The following PTPRD variants were observed in gnomAD, a reference collection of about 807,000 sequenced individuals.
The protein encoded by PTPRD is receptor-type tyrosine-protein phosphatase delta.
A neutral mutation model predicts 214.5 loss-of-function variants in PTPRD; 34 were observed. The observed-to-expected ratio is 0.16, with a 90% CI of 0.12 to 0.21. The LOEUF is 0.21. PTPRD is among the 10% of genes least tolerant of loss of function. The pLI, the probability that PTPRD is intolerant of heterozygous loss-of-function variation, is 1.00. For synonymous variants in PTPRD, 1,128 were observed against 845.7 expected (o/e 1.33, Z -5.79); for missense variants, 2,545 against 2,398.7 (o/e 1.06, Z -1.27).
intron 2 of PTPRD, among the ~76,000 whole-genome samples, chr9:10,407,802 G>A (rs2098388186): frequency 6.6e-6 from 1 of 151,520 alleles, no homozygotes; most frequent in South Asian, 2.1e-4. Context: ...TAACCTGCTA[G>A]AAGGAAATTG....
chr9:9,974,038 G>C (rs373798299), intron 4 of PTPRD, among the ~76,000 whole-genome samples: 1 of 152,146 alleles, frequency 6.6e-6, no homozygotes. Flanking sequence ...TGACTCCTGA[G>C]ACAATTTGCT....
At chr9:10,216,710 G>C (rs2099542899) in intron 3 of PTPRD, among the ~76,000 whole-genome samples, 1 of 151,978 alleles carries the variant, frequency 6.6e-6, no homozygotes, top group Non-Finnish European at 1.5e-5. Flanking sequence ...TGAATTTTTT[G>C]ATAGTGTTGG....
chr9:8,737,568 C>G (rs1158878927), intron 11 of PTPRD, among the ~76,000 whole-genome samples: 1 of 151,768 alleles, frequency 6.6e-6, no homozygotes, highest in Non-Finnish European at 1.5e-5. Context: ...AAAAGTACCA[C>G]GTTTTACCTT....
intron 12 of PTPRD, among the ~76,000 whole-genome samples, chr9:8,642,538 TC>T (rs1193524218): frequency 6.6e-6 from 1 of 152,122 alleles, no homozygotes. Flanking sequence ...TATGAGAAGA[TC>T]AGCTGAAGTC....
intron 14 of PTPRD, among the ~76,000 whole-genome samples, chr9:8,588,972 G>A (rs762001543): frequency 2.6e-5 from 4 of 151,934 alleles, no homozygotes; most frequent in Non-Finnish European, 4.4e-5. Context: ...GTTATTCTTA[G>A]TGGGTCACTA....
chr9:10,050,152 G>C (rs959848821), intron 3 of PTPRD, among the ~76,000 whole-genome samples: 3 of 152,090 alleles, frequency 2.0e-5, no homozygotes, highest in African/African-American at 7.2e-5. Context: ...GGCCTGAGCA[G>C]ATCCCCAAGA....
chr9:9,386,380 C>A (rs2063875591), intron 9 of PTPRD, among the ~76,000 whole-genome samples: 1 of 152,106 alleles, frequency 6.6e-6, no homozygotes, highest in African/African-American at 2.4e-5. Flanking sequence ...GTATGTCAAG[C>A]AACATATTTT....
chr9:10,124,054 G>T (rs900298828), intron 3 of PTPRD, among the ~76,000 whole-genome samples: 1 of 152,160 alleles, frequency 6.6e-6, no homozygotes, highest in East Asian at 1.9e-4. Flanking sequence ...GCTACTATAA[G>T]TTGAAATGCA....
intron 2 of PTPRD, among the ~76,000 whole-genome samples, chr9:10,547,674 G>A (rs1392467580): frequency 6.6e-6 from 1 of 151,416 alleles, no homozygotes; most frequent in African/African-American, 2.4e-5. Flanking sequence ...CATAACTGTA[G>A]ACATAACAAA....
intron 10 of PTPRD, among the ~76,000 whole-genome samples, chr9:9,144,827 T>G (rs781521309): frequency 6.6e-5 from 10 of 152,082 alleles, no homozygotes; most frequent in Non-Finnish European, 1.3e-4. Flanking sequence ...AAATCTTTAA[T>G]GGCAATTTGG....
chr9:8,449,821 C>T lies in PTPRD; in HGVS notation c.3892G>A (p.Asp1298Asn), dbSNP rs754699635. The T allele has an allele frequency of 2.8e-5, 45 of 1,613,698 alleles. No homozygotes were observed. Among genetic ancestry groups the T allele is most frequent in the Admixed American group, 1.2e-4 (7 of 59,964 alleles). Reference sequence around the variant, plus strand: ...TTCGGTATGCTGCTTTTTCTAGAGTCGGACTCTGCCCTCTTCCTATAGGGG... The same window carrying T: ...TTCGGTATGCTGCTTTTTCTAGAGTTGGACTCTGCCCTCTTCCTATAGGGG... ...LLYKRKRAES[D>N]SRKSSIPNNK... The change falls in exon 34 of 46, where the codon GAC (aspartate) becomes AAC (asparagine). Residue 1298 changes from aspartate to asparagine, a missense_variant. By Grantham distance (23) the Asp-to-Asn change is conservative (BLOSUM62 1). Transcript: ENST00000381196.
intron 9 of PTPRD, among the ~76,000 whole-genome samples, chr9:9,203,162 G>C (rs201383249): frequency 6.6e-6 from 1 of 151,884 alleles, no homozygotes; most frequent in Non-Finnish European, 1.5e-5. Flanking sequence ...CCTGGGAGGC[G>C]GAGGTTGCAG....
intron 7 of PTPRD, among the ~76,000 whole-genome samples, chr9:9,645,833 T>G (rs999243026): frequency 2.0e-5 from 3 of 152,218 alleles, no homozygotes; most frequent in Admixed American, 2.0e-4. Context: ...TATATTTTAA[T>G]GCTAAATACT....
At chr9:10,607,696 A>C (rs1448835306) in intron 2 of PTPRD, among the ~76,000 whole-genome samples, 1 of 151,948 alleles carries the variant, frequency 6.6e-6, no homozygotes, top group Non-Finnish European at 1.5e-5. Context: ...AGAAGAAAAA[A>C]AAAGTTTCCA....
intron 4 of PTPRD, among the ~76,000 whole-genome samples, chr9:9,944,704 T>C (rs2092291345): frequency 2.0e-5 from 3 of 152,078 alleles, no homozygotes; most frequent in Admixed American, 6.6e-5. Context: ...TCCAGCTTTT[T>C]TTTTTCCAGT....
chr9:10,034,781 G>C (rs2154135377), intron 3 of PTPRD, among the ~76,000 whole-genome samples: 1 of 152,220 alleles, frequency 6.6e-6, no homozygotes, highest in Admixed American at 6.5e-5. Context: ...TGGCTGCATA[G>C]TATTCCATGA....
chr9:9,528,057 G>A (rs1308604508), intron 8 of PTPRD, among the ~76,000 whole-genome samples: 1 of 152,216 alleles, frequency 6.6e-6, no homozygotes, highest in East Asian at 1.9e-4. Flanking sequence ...AGCAAAGGGA[G>A]ACAATCCAGC....
At chr9:8,667,940 C>T (rs543871655) in intron 12 of PTPRD, among the ~76,000 whole-genome samples, 2 of 151,508 alleles carry the variant, frequency 1.3e-5, no homozygotes, top group South Asian at 2.1e-4. Flanking sequence ...TGAGAAGTTG[C>T]CCAGTAAAAA....
intron 3 of PTPRD, among the ~76,000 whole-genome samples, chr9:10,043,989 A>T (rs929304314): frequency 2.0e-5 from 3 of 151,812 alleles, no homozygotes; most frequent in African/African-American, 7.2e-5. Flanking sequence ...AAAAGCTCAG[A>T]ATTTGTAACA....
Sources: allele counts gnomAD v4.1 joint callset (sites outside exome capture counted in the v4.1 genomes callset), GRCh38; gene constraint gnomAD v4.1.1; transcripts MANE v1.5; gene names NCBI Gene and HGNC (gene_info 2026-07-23, HGNC 2026-07-21).